CD247: variants seen among roughly 807,000 people sequenced by gnomAD.
CD247 encodes CD247 molecule.
A neutral mutation model predicts 30.0 loss-of-function variants in CD247; 13 were observed. That is an observed-to-expected ratio of 0.43 (90% CI 0.28 to 0.69). The LOEUF (loss-of-function observed/expected upper bound fraction) is 0.69, where lower values mean the gene tolerates loss of function less well. Among genes scored for constraint, CD247 ranks in the 30% least tolerant of loss-of-function variants. CD247 has a pLI of 0.16. For synonymous variants in CD247, 72 were observed against 80.0 expected (o/e 0.90, Z 0.53); for missense variants, 193 against 212.6 (o/e 0.91, Z 0.57).
chr1:167,482,330 A>T (rs1008984023), intron 1 of CD247, among the ~76,000 whole-genome samples: 2 of 152,222 alleles, frequency 1.3e-5, no homozygotes, highest in African/African-American at 4.8e-5. Context: ...GATGATCAAG[A>T]AAGAAGGCGG....
chr1:167,435,661 A>G (rs1386597376), intron 4 of CD247, among the ~76,000 whole-genome samples: 2 of 152,246 alleles, frequency 1.3e-5, no homozygotes, highest in Non-Finnish European at 2.9e-5. Context: ...TCGCTCTTCC[A>G]GAGGGGCCCA....
Position 167,508,265 on chromosome 1 carries a change from G to A in CD247, c.58+10143C>T, listed in dbSNP as rs117676030. Among the ~76,000 whole-genome samples, 81 of 149,824 alleles carry A rather than the reference G, an allele frequency of 5.4e-4. No individual in the cohort carries two copies. The East Asian group carries it at 0.014, about 26-fold the overall frequency. ...GAGCTATTGCGCGACGAGATGCTCC[G>A]TTGAAATGGAAGGAGTTTGCTTTAT... is the stretch of plus-strand genomic sequence containing the variant. On this transcript the variant is annotated intron_variant, in intron 1 of 7. Coordinates refer to ENST00000362089, the MANE Select transcript of CD247 (RefSeq NM_198053.3).
intron 6 of CD247, 51 bp from the exon 7 acceptor site, chr1:167,433,110 G>T (rs369656778): frequency 6.3e-7 from 1 of 1,597,740 alleles, no homozygotes; most frequent in South Asian, 1.1e-5. Context: ...CAGGCAGTCA[G>T]TAGTGGCATT....
chr1:167,460,429 T>C (rs1427333810), intron 1 of CD247, among the ~76,000 whole-genome samples: 2 of 151,500 alleles, frequency 1.3e-5, no homozygotes, highest in Admixed American at 1.3e-4. Context: ...AATAAAGAAA[T>C]AAGATTATGA....
chr1:167,446,775 T>C (rs1262627005), intron 1 of CD247, among the ~76,000 whole-genome samples: 4 of 152,176 alleles, frequency 2.6e-5, no homozygotes, highest in African/African-American at 9.6e-5. Context: ...GGGCGGATCA[T>C]GAGGTCAGGA....
intron 1 of CD247, among the ~76,000 whole-genome samples, chr1:167,482,592 T>C (rs2949656): frequency 0.39 from 59,354 of 152,008 alleles, 11,725 homozygotes; most frequent in Middle Eastern, 0.49. Flanking sequence ...GAGTGGAGAA[T>C]CGTGACTCCA....
intron 1 of CD247, among the ~76,000 whole-genome samples, chr1:167,486,677 C>T (rs1571574371): frequency 6.6e-6 from 1 of 152,220 alleles, no homozygotes; most frequent in South Asian, 2.1e-4. Context: ...TTGCTGCCTG[C>T]TGAGGGGTCA....
chr1:167,510,662 C>A (rs1177451227), intron 1 of CD247, among the ~76,000 whole-genome samples: 1 of 152,220 alleles, frequency 6.6e-6, no homozygotes, highest in African/African-American at 2.4e-5. Context: ...GGCTGTCATT[C>A]ACATTCTGTC....
intron 1 of CD247, chr1:167,459,593 T>G (rs1571544134): frequency 6.6e-6 from 1 of 152,206 alleles, no homozygotes; most frequent in South Asian, 2.1e-4. Context: ...CTTCAGGTCA[T>G]CCGCCTGCCT....
At chr1:167,445,693 TTGTC>T (rs1304467574) in intron 1 of CD247, among the ~76,000 whole-genome samples, 1 of 152,140 alleles carries the variant, frequency 6.6e-6, no homozygotes, top group African/African-American at 2.4e-5. Flanking sequence ...ATTGCGTTGT[TTGTC>T]TGTCTGTCTC....
rs140036185 is a variant in CD247 at position 167,506,701 on chromosome 1, A to G, written c.58+11707T>C. ...CCACTTCTGACTACAAAGTAGCTACACTTTACATGAGAGATGCATTCCTAA... is the reference window on the plus strand; with the variant it reads ...CCACTTCTGACTACAAAGTAGCTACGCTTTACATGAGAGATGCATTCCTAA... On this transcript the variant is annotated intron_variant, in intron 1 of 7. Coordinates refer to ENST00000362089, the MANE Select transcript of CD247 (RefSeq NM_198053.3). 5.0e-3 allele frequency among the ~76,000 whole-genome samples: 761 copies of G among 152,176 alleles called. 3 individuals carry two copies. The highest frequency in any genetic ancestry group is 0.01 in the Middle Eastern group (3 of 294).
intron 1 of CD247, among the ~76,000 whole-genome samples, chr1:167,491,461 G>A (rs1238715066): frequency 6.6e-6 from 1 of 152,050 alleles, no homozygotes; most frequent in Non-Finnish European, 1.5e-5. Context: ...CCAGCTACTC[G>A]GGAGGCTGAG....
chr1:167,459,942 C>T (rs1297990484), intron 1 of CD247: 1 of 152,194 alleles, frequency 6.6e-6, no homozygotes, highest in African/African-American at 2.4e-5. Flanking sequence ...CCCCAGCTAA[C>T]CACCATGCAG....
chr1:167,444,651 C>T lies in CD247; in HGVS notation c.59-3884G>A, dbSNP rs1252035929. Among the ~76,000 whole-genome samples, 4 of 152,288 alleles carry T rather than the reference C, an allele frequency of 2.6e-5. No homozygotes were observed. In the East Asian group the frequency reaches 5.8e-4, roughly 22 times the overall value. On this transcript the variant is annotated intron_variant, in intron 1 of 7. Transcript: ENST00000362089. ...GAACCTGGGCATGGGGACTTCACTG[C>T]ATGGCCATGAATGGATTGAGATTCA...
chr1:167,496,936 C>T (rs1253851422), intron 1 of CD247, among the ~76,000 whole-genome samples: 2 of 152,158 alleles, frequency 1.3e-5, no homozygotes, highest in Non-Finnish European at 1.5e-5. Context: ...CCCCGGAGAG[C>T]GGGGACACTG....
intron 1 of CD247, among the ~76,000 whole-genome samples, chr1:167,461,300 T>C (rs1274117932): frequency 6.6e-6 from 1 of 152,234 alleles, no homozygotes; most frequent in Non-Finnish European, 1.5e-5. Flanking sequence ...ATAAATGAGA[T>C]CCACTATCAG....
At chr1:167,505,415 A>G (rs1326570765) in intron 1 of CD247, among the ~76,000 whole-genome samples, 1 of 152,214 alleles carries the variant, frequency 6.6e-6, no homozygotes, top group Non-Finnish European at 1.5e-5. Context: ...CTCTGGCTAA[A>G]TTTACTTGTA....
chr1:167,433,077 A>C lies in CD247; in HGVS notation c.394-18T>G, dbSNP rs756323539. On this transcript the variant is annotated intron_variant, in intron 6 of 7. Transcript: ENST00000362089. ...CTCCGGCGCTGGTTGTTTGGGAGTG[A>C]AATGAGAAAAGGATTAGAAAGTCAG... 6.2e-7 allele frequency: 1 copy of C among 1,614,064 alleles called. No individual in the cohort carries two copies. The highest frequency in any genetic ancestry group is 8.5e-7 in the Non-Finnish European group (1 of 1,179,916).
In CD247 at chr1:167,467,944, T is replaced by C. The variant is rs77139478; in HGVS notation, c.59-27177A>G. Among the ~76,000 whole-genome samples, 367 of 152,304 alleles carry C rather than the reference T, an allele frequency of 2.4e-3. 1 individual carries two copies. The highest frequency in any genetic ancestry group is 2.6e-3 in the Non-Finnish European group (175 of 68,040). On this transcript the variant is annotated intron_variant, in intron 1 of 7. Transcript: ENST00000362089. ...CCCCTTAGCCAATTCATAATTGACT[T>C]TTAAATCATTTAGGCGCAAAAGCAA...
Sources: gnomAD v4.1 joint callset for allele counts (sites outside exome capture counted in the v4.1 genomes callset) on GRCh38, gnomAD v4.1.1 for gene constraint, MANE v1.5 for transcripts, NCBI Gene and HGNC (gene_info 2026-07-23, HGNC 2026-07-21) for gene names.